The following PARD3B variants were observed in gnomAD, a reference collection of about 807,000 sequenced individuals.
PARD3B encodes par-3 family cell polarity regulator beta, also known as partitioning defective 3 homolog B.
A neutral mutation model predicts 130.2 loss-of-function variants in PARD3B; 103 were observed. The ratio of observed to expected loss-of-function variants is 0.79; its 90% CI spans 0.67 to 0.93. PARD3B has a LOEUF of 0.93. Among genes scored for constraint, PARD3B ranks in the 40% least tolerant of loss-of-function variants. PARD3B has a pLI of 0.00. For missense variants in PARD3B, 1,609 were observed against 1,499.2 expected (o/e 1.07, Z -1.21); for synonymous variants, 583 against 553.2 (o/e 1.05, Z -0.76).
chr2:205,506,928 C>T (rs1464816601), intron 21 of PARD3B, among the ~76,000 whole-genome samples: 1 of 152,204 alleles, frequency 6.6e-6, no homozygotes, highest in Non-Finnish European at 1.5e-5. Context: ...CTGGATCCAA[C>T]TCCTCCAGAC....
chr2:205,313,418 G>A (rs557566745), intron 18 of PARD3B, among the ~76,000 whole-genome samples: 4 of 152,282 alleles, frequency 2.6e-5, no homozygotes, highest in African/African-American at 9.6e-5. Flanking sequence ...CATGGATGGG[G>A]TTAATTGGTA....
At chr2:204,897,551 A>G (rs1204095261) in intron 2 of PARD3B, among the ~76,000 whole-genome samples, 1 of 152,092 alleles carries the variant, frequency 6.6e-6, no homozygotes, top group Admixed American at 6.6e-5. Flanking sequence ...ACATAGGAAG[A>G]TCCTGTGTAC....
Position 205,585,796 on chromosome 2 carries a change from G to A in PARD3B, c.3261-29660G>A, listed in dbSNP as rs564665733. ...CAGGAAGGGCTTTGAACTGGATTTC[G>A]GTAGCTTTGTGGGCTCTTGCAGAAA... On this transcript the variant is annotated intron_variant, in intron 22 of 22. Coordinates refer to ENST00000406610, the MANE Select transcript of PARD3B (RefSeq NM_001302769.2). The surrounding 1 kb of genome is among the most constrained non-coding windows in gnomAD (Gnocchi z 5.4). 8.5e-5 allele frequency among the ~76,000 whole-genome samples: 13 copies of A among 152,102 alleles called. No individual in the cohort carries two copies. Among genetic ancestry groups the A allele is most frequent in the Non-Finnish European group, 1.9e-4 (13 of 68,030 alleles).
At chr2:205,088,764 G>A (rs1701901750) in intron 4 of PARD3B, among the ~76,000 whole-genome samples, 1 of 150,836 alleles carries the variant, frequency 6.6e-6, no homozygotes, top group Non-Finnish European at 1.5e-5. Context: ...CAATCATAAT[G>A]CAAAGTATAT....
chr2:205,284,817 A>G (rs1482660086), intron 16 of PARD3B, among the ~76,000 whole-genome samples: 3 of 152,068 alleles, frequency 2.0e-5, no homozygotes, highest in African/African-American at 7.2e-5. Flanking sequence ...CATCATAAAC[A>G]TTTATTTTTC....
chr2:205,153,423 A>G (rs1473808061), intron 10 of PARD3B, among the ~76,000 whole-genome samples: 1 of 152,244 alleles, frequency 6.6e-6, no homozygotes, highest in Non-Finnish European at 1.5e-5. Flanking sequence ...AGAACATTCC[A>G]TGCTCATGGA....
chr2:205,233,582 CTG>C (rs1393977003), intron 15 of PARD3B, among the ~76,000 whole-genome samples: 1 of 151,948 alleles, frequency 6.6e-6, no homozygotes, highest in African/African-American at 2.4e-5. Flanking sequence ...AGCACAGAGG[CTG>C]TGAGGGGAGA....
intron 16 of PARD3B, among the ~76,000 whole-genome samples, chr2:205,254,517 G>A (rs1203750140): frequency 6.6e-6 from 1 of 152,040 alleles, no homozygotes; most frequent in East Asian, 1.9e-4. Flanking sequence ...TTAGGTGTAC[G>A]AGTTTCAAAC....
chr2:205,585,472 AG>A lies in PARD3B; in HGVS notation c.3261-29982del, dbSNP rs2054163305. On this transcript the variant is annotated intron_variant, in intron 22 of 22. Transcript: ENST00000406610. This position sits in a 1 kb window ranked among gnomAD's most constrained non-coding sequence, Gnocchi z 5.4. ...ATCATTTAATGGGGATGAGAAGGCC[AG>A]GATGGTAGCCTCCGGAAGAATCGGC... is the stretch of plus-strand genomic sequence containing the variant. 6.6e-6 allele frequency among the ~76,000 whole-genome samples: 1 copy of A among 152,218 alleles called. No individual in the cohort carries two copies. Among genetic ancestry groups the A allele is most frequent in the Non-Finnish European group, 1.5e-5 (1 of 68,036 alleles).
chr2:205,368,326 A>G (rs937627395), intron 18 of PARD3B, among the ~76,000 whole-genome samples: 1 of 152,180 alleles, frequency 6.6e-6, no homozygotes, highest in African/African-American at 2.4e-5. Context: ...ATCTGATATT[A>G]TCAGATTTAA....
chr2:205,240,845 C>T (rs2039321434), intron 15 of PARD3B, among the ~76,000 whole-genome samples: 1 of 152,142 alleles, frequency 6.6e-6, no homozygotes, highest in Admixed American at 6.6e-5. Flanking sequence ...TATAAGAAAG[C>T]TTGACAAAAG....
chr2:204,746,249 G>A (rs1385125642), intron 2 of PARD3B, among the ~76,000 whole-genome samples: 1 of 150,066 alleles, frequency 6.7e-6, no homozygotes, highest in African/African-American at 2.5e-5. Context: ...TTTTGTGCTT[G>A]CGGTAGTTTG....
At chr2:205,266,719 T>A (rs2040518558) in intron 16 of PARD3B, among the ~76,000 whole-genome samples, 1 of 152,154 alleles carries the variant, frequency 6.6e-6, no homozygotes, top group African/African-American at 2.4e-5. Context: ...AGATTTGAAC[T>A]ACTGATTCTA....
chr2:205,036,987 A>T (rs1194477705), intron 3 of PARD3B, among the ~76,000 whole-genome samples: 1 of 150,264 alleles, frequency 6.7e-6, no homozygotes, highest in East Asian at 2.0e-4. Context: ...TATAAAAAAC[A>T]TATATAGCGG....
chr2:204,956,477 G>T (rs1243272578), intron 2 of PARD3B, among the ~76,000 whole-genome samples: 1 of 152,026 alleles, frequency 6.6e-6, no homozygotes, highest in Non-Finnish European at 1.5e-5. Context: ...CAGGTAAGAT[G>T]TGTGTAATTT....
intron 1 of PARD3B, among the ~76,000 whole-genome samples, chr2:204,561,892 C>T (rs151089746): frequency 2.3e-3 from 354 of 152,180 alleles, no homozygotes; most frequent in African/African-American, 8.1e-3. Flanking sequence ...TCACCGCGCC[C>T]GGCCATCTCC....
rs926077454 is a variant in PARD3B at position 205,558,364 on chromosome 2, A to T, written c.3260+4961A>T. On this transcript the variant is annotated intron_variant, in intron 22 of 22. Transcript: ENST00000406610. This position sits in a 1 kb window ranked among gnomAD's most constrained non-coding sequence, Gnocchi z 4.8. ...TCGCAGGTGGGAGAGATCCAGAGAT[A>T]CTGCTAAGATACTCCTATTATCTCA... is the stretch of plus-strand genomic sequence containing the variant. Among the ~76,000 whole-genome samples the T allele has an allele frequency of 3.9e-5, 6 of 152,132 alleles. No homozygotes were observed. Among genetic ancestry groups the T allele is most frequent in the South Asian group, 2.1e-4 (1 of 4,822 alleles).
chr2:204,902,618 G>A (rs1274008125), intron 2 of PARD3B, among the ~76,000 whole-genome samples: 6 of 141,788 alleles, frequency 4.2e-5, no homozygotes, highest in South Asian at 4.4e-4. Flanking sequence ...GCAGTGAGCC[G>A]AGATCGCGCC....
intron 2 of PARD3B, among the ~76,000 whole-genome samples, chr2:204,714,677 A>C (rs2038636099): frequency 6.6e-6 from 1 of 152,176 alleles, no homozygotes; most frequent in Non-Finnish European, 1.5e-5. Flanking sequence ...TTATTTGAGA[A>C]CACCTTATTC....
Sources: gnomAD v4.1 joint callset for allele counts (sites outside exome capture counted in the v4.1 genomes callset) on GRCh38, gnomAD v4.1.1 for gene constraint, Gnocchi (gnomAD v3.1) non-coding constraint, MANE v1.5 for transcripts, NCBI Gene and HGNC (gene_info 2026-07-23, HGNC 2026-07-21) for gene names.